The following AP2B1 variants were observed in gnomAD, a reference collection of about 807,000 sequenced individuals.
AP2B1 encodes AP-2 complex subunit beta.
AP2B1 carries 23 observed loss-of-function variants against 102.0 expected under a neutral mutation model. That is an observed-to-expected ratio of 0.23 (90% CI 0.16 to 0.32). The LOEUF is 0.32. AP2B1 is among the 10% of genes least tolerant of loss of function. The pLI, the probability that AP2B1 is intolerant of heterozygous loss-of-function variation, is 1.00. For missense variants in AP2B1, 541 were observed against 1,157.4 expected (o/e 0.47, Z 7.73); for synonymous variants, 381 against 421.2 (o/e 0.90, Z 1.17).
chr17:35,628,526 C>G (rs998224543), intron 9 of AP2B1, among the ~76,000 whole-genome samples: 2 of 152,220 alleles, frequency 1.3e-5, no homozygotes, highest in South Asian at 4.1e-4. Context: ...TTGCTTGAGT[C>G]TGGGAGGCTG....
In AP2B1 at chr17:35,724,110, T is replaced by C. The variant is rs1379332845; in HGVS notation, c.*411T>C. The C allele has an allele frequency of 5.8e-6, 1 of 171,546 alleles. No homozygotes were observed. The highest frequency in any genetic ancestry group is 1.3e-5 in the Non-Finnish European group (1 of 78,472). 10.6% of individuals were successfully genotyped at this position (171,546 alleles called of 1,614,324 possible). On this transcript the variant is annotated 3_prime_UTR_variant, in exon 22 of 22. Transcript: ENST00000610402. The stretch of plus-strand genomic sequence containing the variant: ...TGAAACACTGCACTTTACTGTTTTA[T>C]ACTTTTGTACATATGAGAAATCAAG...
intron 14 of AP2B1, chr17:35,659,759 T>TA: frequency 1.0e-6 from 1 of 978,766 alleles, no homozygotes; most frequent in Non-Finnish European, 1.2e-6. Flanking sequence ...TCCTTGGTGT[T>TA]ACAGCCCCAG....
intron 21 of AP2B1, among the ~76,000 whole-genome samples, chr17:35,718,252 G>T (rs1241568714): frequency 6.6e-6 from 1 of 151,720 alleles, no homozygotes; most frequent in African/African-American, 2.4e-5. Flanking sequence ...GTACCATCCA[G>T]AACTGAAAAT....
intron 5 of AP2B1, among the ~76,000 whole-genome samples, chr17:35,622,932 TG>T (rs986747090): frequency 7.9e-5 from 12 of 152,152 alleles, no homozygotes; most frequent in African/African-American, 2.7e-4. Flanking sequence ...CCCAAAGTGT[TG>T]GGTTTACAGG....
intron 17 of AP2B1, among the ~76,000 whole-genome samples, chr17:35,675,381 A>G (rs1163178452): frequency 1.3e-5 from 2 of 152,232 alleles, no homozygotes; most frequent in Non-Finnish European, 2.9e-5. Flanking sequence ...ATTTCTCATC[A>G]TTTGGAAACA....
At position 35,657,633 on chromosome 17, in the gene AP2B1, A is replaced by C. The variant is rs762331462; in HGVS notation, c.1831A>C (p.Thr611Pro). 6 of 1,613,882 alleles carry C rather than the reference A, an allele frequency of 3.7e-6. No individual in the cohort carries two copies. Among genetic ancestry groups the C allele is most frequent in the Non-Finnish European group, 5.1e-6 (6 of 1,179,914 alleles). The change falls in exon 14 of 22, where the codon ACT becomes CCT. Residue 611 changes from threonine to proline, a missense_variant. Physicochemically the swap from Thr to Pro is conservative, Grantham distance 38. This residue lies in a region of AP2B1 where 39 missense variants were observed against 42.0 expected (regional missense o/e 0.93). Coordinates refer to ENST00000610402, the MANE Select transcript of AP2B1 (RefSeq NM_001030006.2). ...DAGDSPVGTT[T>P]ATNLEQPQVI... is the part of the protein sequence containing the mutation. ...AGGTGACAGCCCTGTTGGCACTACCACTGCAACGAACCTGGAACAGCCTCA... is the reference window on the plus strand; with the variant it reads ...AGGTGACAGCCCTGTTGGCACTACCCCTGCAACGAACCTGGAACAGCCTCA...
intron 5 of AP2B1, among the ~76,000 whole-genome samples, chr17:35,621,579 T>TA (rs1435374832): frequency 8.5e-5 from 13 of 152,242 alleles, no homozygotes; most frequent in Admixed American, 2.0e-4. Context: ...TCATCTAATC[T>TA]GATCTTTCTG....
At chr17:35,651,233 ACTT>A in intron 13 of AP2B1, among the ~76,000 whole-genome samples, 1 of 152,280 alleles carries the variant, frequency 6.6e-6, no homozygotes, top group East Asian at 1.9e-4. Context: ...AGCAGGTATA[ACTT>A]ATGCTGTAAA....
At chr17:35,674,085 GTTAATC>G (rs1174845866) in intron 16 of AP2B1, 85 bp from the exon 17 acceptor site, 38 of 1,320,286 alleles carry the variant, frequency 2.9e-5, no homozygotes, top group Non-Finnish European at 3.3e-5. Flanking sequence ...TCACTTAATT[GTTAATC>G]TTAATTTGTT....
chr17:35,644,503 G>C (rs1257378208), intron 12 of AP2B1, among the ~76,000 whole-genome samples: 3 of 151,400 alleles, frequency 2.0e-5, no homozygotes, highest in African/African-American at 7.3e-5. Flanking sequence ...TCAGCTTCCT[G>C]AGTAGCTGGG....
chr17:35,658,953 T>C (rs1239243443), intron 14 of AP2B1, among the ~76,000 whole-genome samples: 2 of 152,242 alleles, frequency 1.3e-5, no homozygotes, highest in Non-Finnish European at 2.9e-5. Context: ...AATTTATACA[T>C]TGACCAAGCT....
At chr17:35,626,583 T>C in intron 6 of AP2B1, 38 bp from the exon 7 acceptor site, 1 of 1,471,596 alleles carries the variant, frequency 6.8e-7, no homozygotes, top group Non-Finnish European at 9.5e-7. Context: ...GCAAATAAAT[T>C]ATAATTCATG....
At position 35,636,361 on chromosome 17, in the gene AP2B1, A is replaced by G; in HGVS notation, c.1176A>G (p.Val392=). The G allele has an allele frequency of 1.2e-6, 2 of 1,613,660 alleles. No individual in the cohort carries two copies. Among genetic ancestry groups the G allele is most frequent in the Non-Finnish European group, 8.5e-7 (1 of 1,179,724 alleles). The stretch of plus-strand genomic sequence containing the variant: ...CCCAGCAATCTGCAGAGCGCTGTGT[A>G]AGCACATTGCTTGATCTAATCCAGA... ...IKVEQSAERC[V]STLLDLIQTK... Residue 392 remains valine (V), a synonymous_variant, in exon 10 of 22, where the codon GTA becomes GTG. Coordinates refer to ENST00000610402, the MANE Select transcript of AP2B1 (RefSeq NM_001030006.2).
chr17:35,711,683 G>A (rs899016637), intron 20 of AP2B1, among the ~76,000 whole-genome samples: 3 of 152,216 alleles, frequency 2.0e-5, no homozygotes, highest in Non-Finnish European at 4.4e-5. Flanking sequence ...CTGTTAGCCA[G>A]GATGTTCTTG....
chr17:35,680,876 G>T (rs866376069), intron 17 of AP2B1, among the ~76,000 whole-genome samples: 5 of 151,628 alleles, frequency 3.3e-5, no homozygotes, highest in African/African-American at 9.7e-5. Context: ...TGTATTTTTA[G>T]TAGAAATGTT....
intron 21 of AP2B1, among the ~76,000 whole-genome samples, chr17:35,720,569 ATATATTTTT>A (rs1219570251): frequency 7.8e-4 from 39 of 50,320 alleles, no homozygotes; most frequent in East Asian, 5.4e-3. Context: ...ATATATATAT[ATATATTTTT>A]TTTTTTTTTT....
At chr17:35,634,582 A>C (rs970973483) in intron 9 of AP2B1, among the ~76,000 whole-genome samples, 3 of 152,238 alleles carry the variant, frequency 2.0e-5, no homozygotes, top group Admixed American at 1.3e-4. Context: ...TCATTAATAA[A>C]AGATTAACAG....
At chr17:35,600,349 G>T (rs573160233) in intron 3 of AP2B1, among the ~76,000 whole-genome samples, 2 of 152,092 alleles carry the variant, frequency 1.3e-5, no homozygotes, top group East Asian at 3.9e-4. Context: ...TCACAAAACT[G>T]CTGGGATTAC....
intron 18 of AP2B1, among the ~76,000 whole-genome samples, chr17:35,685,253 T>G (rs2075907088): frequency 6.6e-6 from 1 of 152,226 alleles, no homozygotes; most frequent in African/African-American, 2.4e-5. Context: ...TTTCCCCCTG[T>G]GAGCAGCTCT....
Sources: gnomAD v4.1 joint callset for allele counts (sites outside exome capture counted in the v4.1 genomes callset) on GRCh38, gnomAD v4.1.1 for gene constraint, gnomAD v4.1.1 regional missense constraint, MANE v1.5 for transcripts, NCBI Gene and HGNC (gene_info 2026-07-23, HGNC 2026-07-21) for gene names.